The following KCNQ5 variants were observed in gnomAD, a reference collection of about 807,000 sequenced individuals.
KCNQ5 encodes potassium voltage-gated channel subfamily Q member 5.
In KCNQ5, 30 loss-of-function variants were observed where a neutral mutation model predicts 98.2. The ratio of observed to expected loss-of-function variants is 0.31; its 90% CI spans 0.23 to 0.41. The LOEUF (loss-of-function observed/expected upper bound fraction) is 0.41. Among genes scored for constraint, KCNQ5 ranks in the 10% least tolerant of loss-of-function variants. The pLI, the probability that KCNQ5 is intolerant of heterozygous loss-of-function variation, is 1.00. For missense variants in KCNQ5, 835 were observed against 1,182.5 expected (o/e 0.71, Z 4.31); for synonymous variants, 458 against 449.4 (o/e 1.02, Z -0.24).
At chr6:73,059,106 A>G (rs1046514466) in intron 3 of KCNQ5, among the ~76,000 whole-genome samples, 3 of 152,336 alleles carry the variant, frequency 2.0e-5, no homozygotes, top group Non-Finnish European at 2.9e-5. Context: ...TTAAAGACAT[A>G]TGCACTCATA....
chr6:72,853,323 C>G (rs918274460), intron 1 of KCNQ5, among the ~76,000 whole-genome samples: 3 of 152,114 alleles, frequency 2.0e-5, no homozygotes, highest in Admixed American at 2.0e-4. Flanking sequence ...GGATCCTAGA[C>G]AATACTGAAC....
At chr6:73,051,705 CAAAAAAAAAAAAAAAAAA>C (rs201199934) in intron 3 of KCNQ5, among the ~76,000 whole-genome samples, 14 of 97,178 alleles carry the variant, frequency 1.4e-4, no homozygotes, top group African/African-American at 5.8e-4. Flanking sequence ...AAGATAGAGG[CAAAAAAAAAAAAAAAAAA>C]AAAAAAAAAA....
intron 6 of KCNQ5, among the ~76,000 whole-genome samples, chr6:73,107,341 A>G (rs1458379981): frequency 6.6e-6 from 1 of 152,212 alleles, no homozygotes; most frequent in African/African-American, 2.4e-5. Context: ...ACTCACCTAT[A>G]TGGTTTCACA....
At chr6:73,016,789 G>C (rs1410125858) in intron 2 of KCNQ5, among the ~76,000 whole-genome samples, 2 of 152,040 alleles carry the variant, frequency 1.3e-5, no homozygotes, top group African/African-American at 4.8e-5. Flanking sequence ...GAAATTTCTG[G>C]GAGGGCTTTC....
chr6:73,130,003 T>G (rs1562196328), intron 9 of KCNQ5, among the ~76,000 whole-genome samples: 1 of 152,216 alleles, frequency 6.6e-6, no homozygotes, highest in Non-Finnish European at 1.5e-5. Context: ...GCTTGAAATT[T>G]TCCTTGTTGC....
chr6:73,030,738 G>T (rs1376940943), intron 2 of KCNQ5, among the ~76,000 whole-genome samples: 2 of 152,132 alleles, frequency 1.3e-5, no homozygotes, highest in Admixed American at 1.3e-4. Context: ...GAAGACTAGG[G>T]GCAGGGAAAC....
chr6:72,939,282 A>G (rs576676155), intron 1 of KCNQ5, among the ~76,000 whole-genome samples: 1 of 152,298 alleles, frequency 6.6e-6, no homozygotes, highest in Non-Finnish European at 1.5e-5. Flanking sequence ...CAGAAGGGGT[A>G]GGCAGAGCAG....
intron 5 of KCNQ5, among the ~76,000 whole-genome samples, chr6:73,095,317 C>G (rs773311642): frequency 5.9e-5 from 9 of 152,128 alleles, no homozygotes; most frequent in Non-Finnish European, 1.2e-4. Flanking sequence ...GAATATTTCT[C>G]CCTTCACTTC....
At chr6:72,923,352 T>C (rs921622701) in intron 1 of KCNQ5, among the ~76,000 whole-genome samples, 1 of 152,198 alleles carries the variant, frequency 6.6e-6, no homozygotes, top group African/African-American at 2.4e-5. Context: ...TTCCCACCAA[T>C]AGTGTACATG....
intron 3 of KCNQ5, among the ~76,000 whole-genome samples, chr6:73,063,706 A>AGATAGAT (rs1554203623): frequency 1.6e-5 from 2 of 124,244 alleles, no homozygotes; most frequent in Non-Finnish European, 3.5e-5. Context: ...ATAGATAGAT[A>AGATAGAT]GATAGATAGA....
At position 73,144,171 on chromosome 6, in the gene KCNQ5, G is replaced by T. The variant is rs553356867; in HGVS notation, c.1468+10530G>T. ...CAATGGATGACTGACATGGGAAAGA[G>T]ATGAGTTACCCAGGCTTTGCTTTTT... On this transcript the variant is annotated intron_variant, in intron 10 of 13. Coordinates refer to ENST00000370398, the MANE Select transcript of KCNQ5 (RefSeq NM_019842.4). Among the ~76,000 whole-genome samples the T allele has an allele frequency of 4.6e-5, 7 of 152,324 alleles. No homozygotes were observed. The South Asian group carries it at 1.4e-3, about 32-fold the overall frequency.
chr6:72,827,692 T>C (rs1255858953), intron 1 of KCNQ5, among the ~76,000 whole-genome samples: 1 of 152,166 alleles, frequency 6.6e-6, no homozygotes, highest in Non-Finnish European at 1.5e-5. Flanking sequence ...CTTTTTGCTC[T>C]GTTGATGTTT....
intron 1 of KCNQ5, among the ~76,000 whole-genome samples, chr6:72,691,722 T>G (rs1027495772): frequency 5.9e-5 from 9 of 152,234 alleles, no homozygotes; most frequent in African/African-American, 2.2e-4. Flanking sequence ...CTGGGCACTC[T>G]GCATTTCCAC....
intron 1 of KCNQ5, among the ~76,000 whole-genome samples, chr6:72,759,503 G>A (rs1014081763): frequency 6.6e-6 from 1 of 152,134 alleles, no homozygotes; most frequent in Non-Finnish European, 1.5e-5. Context: ...GCTGTGGCAT[G>A]TTTTGGAATA....
At chr6:73,052,195 A>G (rs1205934487) in intron 3 of KCNQ5, among the ~76,000 whole-genome samples, 1 of 152,226 alleles carries the variant, frequency 6.6e-6, no homozygotes, top group East Asian at 1.9e-4. Flanking sequence ...TAAAGAAAAA[A>G]AGATTAAAGA....
At chr6:72,871,934 T>A (rs1778225975) in intron 1 of KCNQ5, among the ~76,000 whole-genome samples, 1 of 152,188 alleles carries the variant, frequency 6.6e-6, no homozygotes, top group Admixed American at 6.5e-5. Flanking sequence ...GGAGAAAATT[T>A]TGCTCTTTCC....
At chr6:72,765,941 A>G (rs949202204) in intron 1 of KCNQ5, among the ~76,000 whole-genome samples, 3 of 152,036 alleles carry the variant, frequency 2.0e-5, no homozygotes, top group Admixed American at 6.6e-5. Context: ...TTATGCCTTC[A>G]ACAAATATTA....
At chr6:72,708,710 C>A (rs147832845) in intron 1 of KCNQ5, among the ~76,000 whole-genome samples, 1 of 152,188 alleles carries the variant, frequency 6.6e-6, no homozygotes, top group South Asian at 2.1e-4. Flanking sequence ...TTTGTAGAGA[C>A]GGTGTCTGGC....
Position 72,950,136 on chromosome 6 carries a change from G to A in KCNQ5, c.399-53772G>A, listed in dbSNP as rs536737489. Among the ~76,000 whole-genome samples, 3 of 152,182 alleles carry A rather than the reference G, an allele frequency of 2.0e-5. No individual in the cohort carries two copies. The East Asian group carries it at 5.8e-4, about 29-fold the overall frequency. On this transcript the variant is annotated intron_variant, in intron 1 of 13. Transcript: ENST00000370398. Reference sequence around the variant, plus strand: ...GGAAAGCCACATCACTAAAAATCAAGAATAGCTAAGAAAAACTAAGAATTT... The same window carrying A: ...GGAAAGCCACATCACTAAAAATCAAAAATAGCTAAGAAAAACTAAGAATTT...
Sources: allele counts gnomAD v4.1 joint callset (sites outside exome capture counted in the v4.1 genomes callset), GRCh38; gene constraint gnomAD v4.1.1; transcripts MANE v1.5; gene names NCBI Gene and HGNC (gene_info 2026-07-23, HGNC 2026-07-21).